Variants in SUSD1 observed in about 807,000 individuals in gnomAD.
SUSD1 encodes the protein sushi domain containing 1, also known as sushi domain-containing protein 1.
In SUSD1, 65 loss-of-function variants were observed where a neutral mutation model predicts 86.9. The observed-to-expected ratio is 0.75, with a 90% CI of 0.61 to 0.92. The LOEUF (loss-of-function observed/expected upper bound fraction) is 0.92. Ranked by LOEUF, SUSD1 falls within the 40% of genes least tolerant of loss-of-function variation. The pLI is 0.00. For synonymous variants in SUSD1, 346 were observed against 350.0 expected (o/e 0.99, Z 0.13); for missense variants, 850 against 929.7 (o/e 0.91, Z 1.11).
chr9:112,064,869 C>G (rs1828905571), intron 12 of SUSD1, among the ~76,000 whole-genome samples: 1 of 141,790 alleles, frequency 7.1e-6, no homozygotes, highest in Non-Finnish European at 1.5e-5. Flanking sequence ...GAGTGAGACT[C>G]TGTCTCAGAA....
chr9:112,099,637 T>C (rs905141354), intron 9 of SUSD1, among the ~76,000 whole-genome samples: 13 of 152,184 alleles, frequency 8.5e-5, no homozygotes, highest in Non-Finnish European at 1.8e-4. Flanking sequence ...AAAACTTTCG[T>C]GAAGGTCCTA....
At chr9:112,043,577 T>G (rs1827834495) in intron 15 of SUSD1, among the ~76,000 whole-genome samples, 1 of 152,160 alleles carries the variant, frequency 6.6e-6, no homozygotes, top group Non-Finnish European at 1.5e-5. Flanking sequence ...GTTGGCTCTG[T>G]GTGAATTAAG....
chr9:112,064,785 A>G lies in SUSD1; in HGVS notation c.1754-1752T>C, dbSNP rs376220237. On this transcript the variant is annotated intron_variant, in intron 12 of 16. Transcript: ENST00000374270. Reference sequence around the variant, plus strand: ...CAGCTACTCAGGAGGCAGAGGCAGGAGAATCGCTTGAACCGGGCAGGCAGA... The same window carrying G: ...CAGCTACTCAGGAGGCAGAGGCAGGGGAATCGCTTGAACCGGGCAGGCAGA... Among the ~76,000 whole-genome samples the G allele has an allele frequency of 7.9e-5, 12 of 151,116 alleles. No homozygotes were observed. In the South Asian group the frequency reaches 2.6e-3, roughly 32 times the overall value.
intron 10 of SUSD1, among the ~76,000 whole-genome samples, chr9:112,086,997 T>C (rs1174557929): frequency 6.7e-6 from 1 of 149,402 alleles, no homozygotes; most frequent in Non-Finnish European, 1.5e-5. Context: ...ATATATAAAA[T>C]ATACATATAT....
At position 112,041,090 on chromosome 9, in the gene SUSD1, A is replaced by C; in HGVS notation, c.*402T>G. On this transcript the variant is annotated 3_prime_UTR_variant, in exon 17 of 17. Coordinates refer to ENST00000374270, the MANE Select transcript of SUSD1 (RefSeq NM_022486.5). ...GAATGGATTCTGAATGAATTAACAG[A>C]AATGCTTTTATATAGGAGGTTGCAG... 3.4e-6 allele frequency: 1 copy of C among 293,078 alleles called. No individual in the cohort carries two copies. The highest frequency in any genetic ancestry group is 6.4e-6 in the Non-Finnish European group (1 of 157,062). The allele number at this position is 293,078 out of a possible 1,614,324, so 18.2% of individuals were successfully genotyped here. A position where few individuals can be genotyped will look rare whatever the true frequency, so the allele number is the denominator to read the frequency against.
chr9:112,078,730 A>G lies in SUSD1; in HGVS notation c.1567-6T>C, dbSNP rs1829633024. 6.2e-7 allele frequency: 1 copy of G among 1,608,444 alleles called. No individual in the cohort carries two copies. The highest frequency in any genetic ancestry group is 1.7e-5 in the Admixed American group (1 of 59,896). ...CTCTGGCCCCAAATGTGGAACTGAA[A>G]CATAAAAAAGCTCACTGGGTGAATG... On this transcript the variant is annotated splice_polypyrimidine_tract_variant and splice_region_variant and intron_variant, in intron 11 of 16. Transcript: ENST00000374270.
intron 8 of SUSD1, among the ~76,000 whole-genome samples, chr9:112,110,432 C>T (rs10817264): frequency 0.48 from 73,461 of 151,730 alleles, 18,058 homozygotes; most frequent in East Asian, 0.71. Context: ...GGTCTTGCCC[C>T]GTCACCCAGG....
chr9:112,100,901 CTA>C (rs1830607771), intron 9 of SUSD1, among the ~76,000 whole-genome samples: 1 of 135,792 alleles, frequency 7.4e-6, no homozygotes, highest in South Asian at 2.5e-4. Flanking sequence ...AATAAAATCT[CTA>C]TTTTTATACT....
At chr9:112,130,913 C>T (rs1832007551) in intron 5 of SUSD1, among the ~76,000 whole-genome samples, 1 of 151,848 alleles carries the variant, frequency 6.6e-6, no homozygotes, top group Non-Finnish European at 1.5e-5. Context: ...GTCCCAGCTA[C>T]TTGGGAGGCT....
At chr9:112,104,150 G>C (rs191035267) in intron 8 of SUSD1, among the ~76,000 whole-genome samples, 1 of 151,978 alleles carries the variant, frequency 6.6e-6, no homozygotes, top group African/African-American at 2.4e-5. Context: ...TGAGTAGCTA[G>C]GACTACGGGC....
chr9:112,041,612 G>A, intron 16 of SUSD1, 120 bp from the exon 17 acceptor site: 2 of 736,992 alleles, frequency 2.7e-6, no homozygotes, highest in Non-Finnish European at 2.5e-6. Flanking sequence ...GGAGCAGCAT[G>A]GAAGCTCAGC....
At chr9:112,081,618 G>C (rs1322146895) in intron 10 of SUSD1, among the ~76,000 whole-genome samples, 1 of 152,188 alleles carries the variant, frequency 6.6e-6, no homozygotes, top group African/African-American at 2.4e-5. Context: ...AAAGGTGGAA[G>C]GGTCCCCAAA....
At chr9:112,096,894 T>C (rs1830417359) in intron 10 of SUSD1, among the ~76,000 whole-genome samples, 1 of 152,218 alleles carries the variant, frequency 6.6e-6, no homozygotes, top group African/African-American at 2.4e-5. Context: ...AGGGAATTCA[T>C]ATTCAATTTG....
chr9:112,111,541 T>C, intron 8 of SUSD1, 113 bp downstream of exon 8: 1 of 1,380,284 alleles, frequency 7.2e-7, no homozygotes, highest in Non-Finnish European at 9.9e-7. Flanking sequence ...CATCTGAGTA[T>C]AAATCTCAGA....
intron 2 of SUSD1, among the ~76,000 whole-genome samples, chr9:112,150,313 T>G (rs1051088768): frequency 6.9e-6 from 1 of 145,732 alleles, no homozygotes; most frequent in African/African-American, 2.5e-5. Flanking sequence ...AAATTGTTTA[T>G]GCATCCTTTT....
Position 112,142,323 on chromosome 9 carries a change from G to A in SUSD1, c.703C>T (p.Gln235Ter), listed in dbSNP as rs750676793. Residue 235 changes from glutamine (Q) to a stop codon, truncating the protein, a stop_gained, in exon 5 of 17, where the codon CAA becomes TAA. Transcript: ENST00000374270. LOFTEE classifies it high-confidence loss of function. ...CCTGTATTTTTTGAAAACTCACCTT[G>A]GCAATGTAATTTTGGGGACTCCCAT... is the stretch of plus-strand genomic sequence containing the variant. ...GTWESPKLHCQEINCGNPPEM... is the reference protein window; with the variant it reads ...GTWESPKLHC 1.9e-6 allele frequency: 3 copies of A among 1,570,318 alleles called. No individual in the cohort carries two copies. The African/African-American group carries it at 4.1e-5, about 22-fold the overall frequency.
In SUSD1 at chr9:112,098,513, A is replaced by C. The variant is rs779672439; in HGVS notation, c.1431T>G (p.Pro477=). Residue 477 remains proline, a synonymous_variant, in exon 10 of 17, where the codon CCT becomes CCG. Transcript: ENST00000374270. ...YTVNVTLLRS[P]KRHSVQITIA... ...TTGTTATTTGCACTGAGTGCCGCTT[A>C]GGAGATCTCAGCAGGGTCACATTCA... 1.2e-6 allele frequency: 2 copies of C among 1,614,140 alleles called. No individual in the cohort carries two copies. Among genetic ancestry groups the C allele is most frequent in the Non-Finnish European group, 1.7e-6 (2 of 1,180,018 alleles).
intron 8 of SUSD1, among the ~76,000 whole-genome samples, chr9:112,109,758 C>T (rs1289889602): frequency 6.6e-6 from 1 of 152,192 alleles, no homozygotes; most frequent in South Asian, 2.1e-4. Flanking sequence ...CTTTTAAAGA[C>T]ATTTCCCTAT....
At chr9:112,169,393 C>CA (rs112439745) in intron 1 of SUSD1, 4,880 of 128,208 alleles carry the variant, frequency 0.038, 163 homozygotes, top group African/African-American at 0.091. Context: ...CTTGACTAGT[C>CA]AAAAAAAAAA....
Sources: gnomAD v4.1 joint callset for allele counts (sites outside exome capture counted in the v4.1 genomes callset) on GRCh38, gnomAD v4.1.1 for gene constraint, MANE v1.5 for transcripts, NCBI Gene and HGNC (gene_info 2026-07-23, HGNC 2026-07-21) for gene names.